The following DDX50 variants were observed in gnomAD, a reference collection of about 807,000 sequenced individuals.
DDX50 encodes ATP-dependent RNA helicase DDX50.
A neutral mutation model predicts 94.8 loss-of-function variants in DDX50; 56 were observed. The ratio of observed to expected loss-of-function variants is 0.59; its 90% CI spans 0.48 to 0.74. DDX50 has a LOEUF of 0.74. Among genes scored for constraint, DDX50 ranks in the 30% least tolerant of loss-of-function variants. The pLI, the probability that DDX50 is intolerant of heterozygous loss-of-function variation, is 0.00. For synonymous variants in DDX50, 264 were observed against 295.4 expected (o/e 0.89, Z 1.09); for missense variants, 713 against 881.2 (o/e 0.81, Z 2.42).
At chr10:68,901,950 GAA>G (rs1841298400) in intron 1 of DDX50, among the ~76,000 whole-genome samples, 1 of 152,162 alleles carries the variant, frequency 6.6e-6, no homozygotes, top group African/African-American at 2.4e-5. Context: ...GAGGCTTAAG[GAA>G]AAGTGTCACT....
At chr10:68,920,346 A>G (rs1440750933) in intron 8 of DDX50, among the ~76,000 whole-genome samples, 3 of 152,034 alleles carry the variant, frequency 2.0e-5, no homozygotes, top group African/African-American at 4.8e-5. Context: ...CGTATTTTGT[A>G]GAGATAAGAT....
rs985195198 is a variant in DDX50, at chr10:68,929,368, C to G, written c.1240-4831C>G. On this transcript the variant is annotated intron_variant, in intron 8 of 14. Coordinates refer to ENST00000373585, the MANE Select transcript of DDX50 (RefSeq NM_024045.2). Reference sequence around the variant, plus strand: ...CCTTCCTTCTTTCCTTCTTTCCTTCCTTTCCTTTCTTTCCTTCCTTTCCTT... The same window carrying G: ...CCTTCCTTCTTTCCTTCTTTCCTTCGTTTCCTTTCTTTCCTTCCTTTCCTT... Among the ~76,000 whole-genome samples, 5 of 145,376 alleles carry G rather than the reference C, an allele frequency of 3.4e-5. No individual in the cohort carries two copies. The South Asian group carries it at 1.1e-3, about 31-fold the overall frequency.
At chr10:68,917,196 A>C (rs371206368) in intron 7 of DDX50, among the ~76,000 whole-genome samples, 24 of 151,914 alleles carry the variant, frequency 1.6e-4, no homozygotes, top group East Asian at 7.8e-4. Context: ...GCAGTGGCTC[A>C]CACCTATAAT....
At chr10:68,904,241 G>C (rs1382570359) in intron 1 of DDX50, among the ~76,000 whole-genome samples, 1 of 151,990 alleles carries the variant, frequency 6.6e-6, no homozygotes, top group Non-Finnish European at 1.5e-5. Flanking sequence ...AGCCAGGGAG[G>C]TTGAGGCCAC....
chr10:68,910,710 G>C (rs891943652), intron 3 of DDX50, among the ~76,000 whole-genome samples: 9 of 152,174 alleles, frequency 5.9e-5, no homozygotes, highest in African/African-American at 2.2e-4. Context: ...CCAAAGGTTT[G>C]CAGTTTTAAT....
Position 68,911,230 on chromosome 10 carries a change from A to G in DDX50, c.623A>G (p.Lys208Arg), listed in dbSNP as rs550808277. Residue 208 changes from lysine to arginine, a missense_variant, in exon 4 of 15, where the codon AAA becomes AGA. Physicochemically the swap from Lys to Arg is conservative, Grantham distance 26. Transcript: ENST00000373585. ...CAAAGAAATCAAGAAACAATTAAAA[A>G]AAGCCGCTCACCAAAGGTAATCGTT... The part of the protein sequence containing the change: ...RLQRNQETIK[K>R]SRSPKVLVLA... The G allele has an allele frequency of 6.3e-7, 1 of 1,599,694 alleles. No individual in the cohort carries two copies. Among genetic ancestry groups the G allele is most frequent in the Admixed American group, 1.8e-5 (1 of 56,322 alleles).
chr10:68,915,805 A>G (rs1034726564), intron 7 of DDX50, among the ~76,000 whole-genome samples: 1 of 152,188 alleles, frequency 6.6e-6, no homozygotes, highest in South Asian at 2.1e-4. Flanking sequence ...TATTTAATAG[A>G]TGCATATATA....
chr10:68,930,114 C>CTTTTTTTTTTTT, intron 8 of DDX50, among the ~76,000 whole-genome samples: 1 of 99,774 alleles, frequency 1.0e-5, no homozygotes, highest in Non-Finnish European at 1.9e-5. Flanking sequence ...CTTTCCTTTC[C>CTTTTTTTTTTTT]TTTTTTTTTT....
rs1842364968 is a variant in DDX50, at chr10:68,934,828, A to G, written c.1431A>G (p.Gly477=). The G allele has an allele frequency of 8.7e-6, 14 of 1,612,570 alleles. No homozygotes were observed. The highest frequency in any genetic ancestry group is 1.1e-5 in the Non-Finnish European group (13 of 1,179,500). ...QDVESYIHRS[G]RTGRAGRTGI... ...TTGAGTCCTATATCCATCGCTCTGG[A>G]CGCACAGGTAGAGCTGGACGGACAG... Residue 477 remains glycine, a synonymous_variant, in exon 10 of 15, where the codon GGA becomes GGG. Coordinates refer to ENST00000373585, the MANE Select transcript of DDX50 (RefSeq NM_024045.2). This position sits in a 1 kb window ranked among gnomAD's most constrained non-coding sequence, Gnocchi z 4.0.
chr10:68,914,224 GATAGATTTTAGCTTTTAGTT>G lies in DDX50; in HGVS notation c.1089+21_1089+40del. ...GTGGAAGTAAGTAGCTTTCTAGCAT[GATAGATTTTAGCTTTTAGTT>G]GGTATTTACTTTTGACATTTGTTGA... On this transcript the variant is annotated intron_variant, in intron 7 of 14. Coordinates refer to ENST00000373585, the MANE Select transcript of DDX50 (RefSeq NM_024045.2). 1 of 1,602,166 alleles carries G rather than the reference GATAGATTTTAGCTTTTAGTT, an allele frequency of 6.2e-7. No individual in the cohort carries two copies. Among genetic ancestry groups the G allele is most frequent in the Non-Finnish European group, 8.5e-7 (1 of 1,176,998 alleles).
At chr10:68,904,920 A>T (rs138637792) in intron 1 of DDX50, among the ~76,000 whole-genome samples, 25 of 152,390 alleles carry the variant, frequency 1.6e-4, no homozygotes, top group Admixed American at 5.9e-4. Flanking sequence ...TGAGAAAATT[A>T]TATGTGAAAT....
intron 7 of DDX50, among the ~76,000 whole-genome samples, chr10:68,916,199 C>A (rs921210617): frequency 1.3e-5 from 2 of 151,684 alleles, no homozygotes; most frequent in African/African-American, 4.8e-5. Flanking sequence ...ACTAAAAATA[C>A]AAAAATTGGC....
In DDX50 at chr10:68,911,313, G is replaced by A. The variant is rs934277939; in HGVS notation, c.639+67G>A. On this transcript the variant is annotated intron_variant, in intron 4 of 14. Coordinates refer to ENST00000373585, the MANE Select transcript of DDX50 (RefSeq NM_024045.2). ...CAGAAAGGGAAAGAAAGTTACACGAGTCCTAAGTTCTAGTACCCCCAAAAT... is the reference window on the plus strand; with the variant it reads ...CAGAAAGGGAAAGAAAGTTACACGAATCCTAAGTTCTAGTACCCCCAAAAT... 2.8e-6 allele frequency: 4 copies of A among 1,448,840 alleles called. No homozygotes were observed. In the Admixed American group the frequency reaches 7.5e-5, roughly 27 times the overall value. The allele number at this position is 1,448,840 out of a possible 1,614,324, so 89.7% of individuals were successfully genotyped here.
intron 14 of DDX50, 54 bp downstream of exon 14, chr10:68,943,311 A>G: frequency 6.9e-7 from 1 of 1,454,984 alleles, no homozygotes; most frequent in South Asian, 1.3e-5. Context: ...TAACATTTAG[A>G]TTGGGATATT....
intron 8 of DDX50, among the ~76,000 whole-genome samples, chr10:68,931,930 C>G (rs2132052125): frequency 6.6e-6 from 1 of 152,142 alleles, no homozygotes; most frequent in Non-Finnish European, 1.5e-5. Flanking sequence ...TTTCTTCTAC[C>G]AGGAACTCCC....
At chr10:68,932,779 T>C (rs1842305750) in intron 8 of DDX50, among the ~76,000 whole-genome samples, 1 of 152,176 alleles carries the variant, frequency 6.6e-6, no homozygotes, top group Admixed American at 6.6e-5. Flanking sequence ...GGGAAATTAT[T>C]TTTGCCTATT....
intron 6 of DDX50, 140 bp downstream of exon 6, chr10:68,913,716 GA>G (rs1358651055): frequency 1.0e-5 from 8 of 788,240 alleles, no homozygotes; most frequent in Non-Finnish European, 1.5e-5. Flanking sequence ...TTCTGTCCTT[GA>G]AAAAGAAAGT....
At position 68,903,585 on chromosome 10, in the gene DDX50, A is replaced by C. The variant is rs189720753; in HGVS notation, c.87+2114A>C. On this transcript the variant is annotated intron_variant, in intron 1 of 14. Transcript: ENST00000373585. The stretch of plus-strand genomic sequence containing the variant: ...GGAGGCTGAGGCAGGTGGATCACCT[A>C]AGGTCAGGAGTTCGAGACCAGCCTG... 2.3e-3 allele frequency among the ~76,000 whole-genome samples: 341 copies of C among 150,180 alleles called. 1 individual carries two copies. Among genetic ancestry groups the C allele is most frequent in the Middle Eastern group, 0.011 (3 of 282 alleles).
chr10:68,936,275 C>G (rs1174633187), intron 11 of DDX50, among the ~76,000 whole-genome samples, 196 bp downstream of exon 11: 2 of 150,702 alleles, frequency 1.3e-5, no homozygotes, highest in Admixed American at 1.3e-4. Flanking sequence ...CTCATGAGGT[C>G]AGGAGATTGA....
Sources: gnomAD v4.1 joint callset for allele counts (sites outside exome capture counted in the v4.1 genomes callset) on GRCh38, gnomAD v4.1.1 for gene constraint, Gnocchi (gnomAD v3.1) non-coding constraint, MANE v1.5 for transcripts, NCBI Gene and HGNC (gene_info 2026-07-23, HGNC 2026-07-21) for gene names.